Variants in GDA observed in about 807,000 individuals in gnomAD.
GDA encodes the protein guanine deaminase.
Under a neutral mutation model 59.6 loss-of-function variants are expected in GDA, and 18 were observed. The observed-to-expected ratio is 0.30, with a 90% confidence interval of 0.21 to 0.45. GDA has a LOEUF of 0.45. Ranked by LOEUF, GDA falls within the 20% of genes least tolerant of loss-of-function variation. The pLI, the probability that GDA is intolerant of heterozygous loss-of-function variation, is 1.00. For synonymous variants in GDA, 201 were observed against 201.1 expected, an observed-to-expected ratio of 1.00 and a Z score of 0.00; for missense variants, 427 against 552.3, an observed-to-expected ratio of 0.77 and a Z score of 2.27.
intron 1 of GDA, among the ~76,000 whole-genome samples, chr9:72,131,496 C>T (rs973878845): frequency 1.3e-5 from 2 of 152,072 alleles, no homozygotes; most frequent in African/African-American, 4.8e-5. Flanking sequence ...CCAGTCACCT[C>T]CCACCAGGCC....
At chr9:72,177,323 C>A (rs1236348217) in intron 1 of GDA, among the ~76,000 whole-genome samples, 1 of 151,990 alleles carries the variant, frequency 6.6e-6, no homozygotes, top group African/African-American at 2.4e-5. Flanking sequence ...GTCTCAAACT[C>A]CTGACCTTGT....
chr9:72,176,726 C>G (rs989510416), intron 1 of GDA, among the ~76,000 whole-genome samples: 3 of 152,176 alleles, frequency 2.0e-5, no homozygotes, highest in Non-Finnish European at 4.4e-5. Flanking sequence ...AAAGCTAGTT[C>G]TGCTACTCTA....
At chr9:72,119,891 CG>C (rs1564143923) in intron 1 of GDA, among the ~76,000 whole-genome samples, 1 of 151,044 alleles carries the variant, frequency 6.6e-6, no homozygotes, top group East Asian at 1.9e-4. Flanking sequence ...AAAAGATATA[CG>C]TTTTGAAATA....
Position 72,195,528 on chromosome 9 carries a change from A to G in GDA, c.152A>G (p.Gln51Arg), listed in dbSNP as rs1401655491. 1 of 1,568,754 alleles carries G rather than the reference A, an allele frequency of 6.4e-7. No individual in the cohort carries two copies. Among genetic ancestry groups the G allele is most frequent in the Non-Finnish European group, 8.7e-7 (1 of 1,145,140 alleles). ...GTGTTTTTAGAAGAAGCATCTCAAC[A>G]GGAAAAACTGGCCAAAGAATGGTGC... is the stretch of plus-strand genomic sequence containing the variant. ...KIVFLEEASQ[Q>R]EKLAKEWCFK... Residue 51 changes from glutamine (Q) to arginine (R), a missense_variant, in exon 2 of 14, where the codon CAG (glutamine) becomes CGG (arginine). Coordinates refer to ENST00000358399, the MANE Select transcript of GDA (RefSeq NM_004293.5).
intron 6 of GDA, among the ~76,000 whole-genome samples, chr9:72,220,260 A>G (rs7019328): frequency 0.017 from 2,566 of 152,204 alleles, 71 homozygotes; most frequent in African/African-American, 0.059. Flanking sequence ...GAGGTCAGGC[A>G]TTTTTTGCTT....
chr9:72,160,248 G>T (rs1828442628), intron 1 of GDA, among the ~76,000 whole-genome samples: 1 of 152,186 alleles, frequency 6.6e-6, no homozygotes, highest in Non-Finnish European at 1.5e-5. Context: ...GGCGGAGCTT[G>T]CAGTGAGCCG....
In GDA at chr9:72,149,529, C is replaced by T; in HGVS notation, c.-31C>T. 1.2e-6 allele frequency: 2 copies of T among 1,606,266 alleles called. No homozygotes were observed. Among genetic ancestry groups the T allele is most frequent in the South Asian group, 2.2e-5 (2 of 90,784 alleles). On this transcript the variant is annotated 5_prime_UTR_variant, in exon 1 of 14. Coordinates refer to ENST00000358399, the MANE Select transcript of GDA (RefSeq NM_004293.5). ...CTCCGCCGCGTGCGCCCTCCTCGAC[C>T]AGCAGACCCGCGCTGCGCTCCGCCG...
intron 1 of GDA, among the ~76,000 whole-genome samples, chr9:72,191,673 C>G (rs971086805): frequency 3.3e-5 from 5 of 152,112 alleles, no homozygotes; most frequent in African/African-American, 1.2e-4. Context: ...GCAACCTCCA[C>G]CTCCTGGGTT....
intron 1 of GDA, among the ~76,000 whole-genome samples, chr9:72,184,580 C>T (rs1222090298): frequency 9.2e-5 from 14 of 151,892 alleles, no homozygotes; most frequent in South Asian, 2.1e-4. Flanking sequence ...CTGGATGTAC[C>T]GCAGTTTATT....
chr9:72,221,625 G>A (rs896715529), intron 6 of GDA, among the ~76,000 whole-genome samples: 2 of 152,164 alleles, frequency 1.3e-5, no homozygotes, highest in African/African-American at 4.8e-5. Context: ...GTGTGTCATA[G>A]GGGTTTGTTG....
In GDA at chr9:72,249,314, A is replaced by G. The variant is rs1345017251; in HGVS notation, c.*972A>G. The stretch of plus-strand genomic sequence containing the variant: ...CTATTCCACCCAAACAATATGTTGT[A>G]GTTTCTGGAAATTCCATACTCAGAT... On this transcript the variant is annotated 3_prime_UTR_variant, in exon 14 of 14. Coordinates refer to ENST00000358399, the MANE Select transcript of GDA (RefSeq NM_004293.5). 1 of 984,208 alleles carries G rather than the reference A, an allele frequency of 1.0e-6. No homozygotes were observed. The highest frequency in any genetic ancestry group is 1.7e-5 in the African/African-American group (1 of 57,222). The allele number at this position is 984,208 out of a possible 1,614,324, so 61.0% of individuals were successfully genotyped here.
chr9:72,158,158 T>C (rs1828154473), intron 1 of GDA, among the ~76,000 whole-genome samples: 1 of 152,144 alleles, frequency 6.6e-6, no homozygotes, highest in South Asian at 2.1e-4. Flanking sequence ...TCCATAAAAT[T>C]TTTCATATAT....
At chr9:72,222,070 T>C (rs1478566865) in intron 6 of GDA, among the ~76,000 whole-genome samples, 1 of 152,238 alleles carries the variant, frequency 6.6e-6, no homozygotes. Context: ...TTTTGGTATA[T>C]ACCCTGTAAT....
chr9:72,122,207 T>G (rs1825685582), intron 1 of GDA, among the ~76,000 whole-genome samples: 1 of 152,166 alleles, frequency 6.6e-6, no homozygotes, highest in South Asian at 2.1e-4. Flanking sequence ...TGACATCTGA[T>G]TTTACGTTTC....
intron 1 of GDA, among the ~76,000 whole-genome samples, chr9:72,156,499 A>T (rs1827903187): frequency 6.6e-6 from 1 of 152,208 alleles, no homozygotes; most frequent in Non-Finnish European, 1.5e-5. Flanking sequence ...AGGCTGCTGA[A>T]TAGGAGCTTG....
chr9:72,249,171 A>G lies in GDA; in HGVS notation c.*829A>G, dbSNP rs1728288726. On this transcript the variant is annotated 3_prime_UTR_variant, in exon 14 of 14. Transcript: ENST00000358399. Reference sequence around the variant, plus strand: ...GATGTTATTGCTTCCATTTTATTAGAAGAGAAACAAATTCCATGCTTTATG... The same window carrying G: ...GATGTTATTGCTTCCATTTTATTAGGAGAGAAACAAATTCCATGCTTTATG... 4 of 983,422 alleles carry G rather than the reference A, an allele frequency of 4.1e-6. No individual in the cohort carries two copies. The highest frequency in any genetic ancestry group is 9.4e-5 in the South Asian group (2 of 21,242). The allele number at this position is 983,422 out of a possible 1,614,324, so 60.9% of individuals were successfully genotyped here.
At chr9:72,156,325 A>G (rs536007355) in intron 1 of GDA, among the ~76,000 whole-genome samples, 1 of 152,302 alleles carries the variant, frequency 6.6e-6, no homozygotes, top group African/African-American at 2.4e-5. Context: ...GGGAGGAGGA[A>G]GAGTTCTTTC....
At position 72,223,234 on chromosome 9, in the gene GDA, ATTC is replaced by A. The variant is rs1484195049; in HGVS notation, c.714+15_714+17del. 1.2e-5 allele frequency: 19 copies of A among 1,522,098 alleles called. No homozygotes were observed. The highest frequency in any genetic ancestry group is 1.4e-5 in the Non-Finnish European group (15 of 1,096,390). The allele number at this position is 1,522,098 out of a possible 1,614,324, so 94.3% of individuals were successfully genotyped here. ...CCGTGATTTGCACATTCAGGTGGGT[ATTC>A]TTCTTCTCTTTATGCCTCTATGCAG... On this transcript the variant is annotated splice_region_variant and intron_variant, in intron 7 of 13. Transcript: ENST00000358399.
chr9:72,223,599 T>G (rs963876670), intron 7 of GDA, among the ~76,000 whole-genome samples: 4 of 152,218 alleles, frequency 2.6e-5, no homozygotes, highest in Non-Finnish European at 5.9e-5. Flanking sequence ...CTCAGTGTGT[T>G]CTGTACCTTC....
Sources: allele counts gnomAD v4.1 joint callset (sites outside exome capture counted in the v4.1 genomes callset), GRCh38; gene constraint gnomAD v4.1.1; transcripts MANE v1.5; gene names NCBI Gene and HGNC (gene_info 2026-07-23, HGNC 2026-07-21).